The following GPR141 variants were observed in gnomAD, a reference collection of about 807,000 sequenced individuals.
The protein encoded by GPR141 is G protein-coupled receptor 141, also known as probable G protein-coupled receptor 141.
Under a neutral mutation model 6.8 loss-of-function variants are expected in GPR141, and 6 were observed. The ratio of observed to expected loss-of-function variants is 0.88; its 90% CI spans 0.48 to 1.74. GPR141 has a LOEUF of 1.74. Among genes scored for constraint, GPR141 ranks in the 40% most tolerant of loss-of-function variants. The probability of loss-of-function intolerance (pLI) is 0.01; values close to 1 mark genes in which losing one functional copy is unlikely to be tolerated. For synonymous variants in GPR141, 140 were observed against 142.3 expected (o/e 0.98, Z 0.11); for missense variants, 372 against 372.9 (o/e 1.00, Z 0.02).
chr7:37,695,219 G>A (rs1006015673), intron 2 of GPR141, among the ~76,000 whole-genome samples: 1 of 152,152 alleles, frequency 6.6e-6, no homozygotes, highest in Non-Finnish European at 1.5e-5. Context: ...CAGAATGGGG[G>A]TGGTTCTGTG....
intron 2 of GPR141, among the ~76,000 whole-genome samples, chr7:37,690,015 A>G (rs1386357105): frequency 6.6e-6 from 1 of 150,764 alleles, no homozygotes; most frequent in African/African-American, 2.4e-5. Flanking sequence ...TACTTTTTCG[A>G]TGTAGGCATT....
intron 2 of GPR141, among the ~76,000 whole-genome samples, chr7:37,700,918 A>G (rs1204392848): frequency 1.3e-5 from 2 of 152,148 alleles, no homozygotes; most frequent in Non-Finnish European, 2.9e-5. Context: ...TTCTCCTACT[A>G]CCAGCCTAGT....
Position 37,742,679 on chromosome 7 carries a change from G to A in GPR141, c.*1368G>A, listed in dbSNP as rs143824720. Among the ~76,000 whole-genome samples, 704 of 152,244 alleles carry A rather than the reference G, an allele frequency of 4.6e-3. 6 individuals are homozygous for A. The highest frequency in any genetic ancestry group is 7.5e-3 in the Non-Finnish European group (509 of 68,018). ...AGAAGGTTTTCTGAATATTTGAAGA[G>A]TGGATAAATAAATGTCCCCCAAAGC... On this transcript the variant is annotated 3_prime_UTR_variant, in exon 3 of 3. Coordinates refer to ENST00000334425, the MANE Select transcript of GPR141 (RefSeq NM_001381946.1).
chr7:37,743,829 A>T lies in GPR141; in HGVS notation c.*2518A>T, dbSNP rs1812685154. Among the ~76,000 whole-genome samples, 1 of 152,176 alleles carries T rather than the reference A, an allele frequency of 6.6e-6. No homozygotes were observed. Among genetic ancestry groups the T allele is most frequent in the African/African-American group, 2.4e-5 (1 of 41,450 alleles). On this transcript the variant is annotated 3_prime_UTR_variant, in exon 3 of 3. Transcript: ENST00000334425. Reference sequence around the variant, plus strand: ...TCAGTATTTATGGAATAAATAGAAAAATTTTAGTTTTCCTGTTCTTTGTCT... The same window carrying T: ...TCAGTATTTATGGAATAAATAGAAATATTTTAGTTTTCCTGTTCTTTGTCT...
intron 2 of GPR141, among the ~76,000 whole-genome samples, chr7:37,721,508 T>C (rs1811325318): frequency 1.3e-5 from 2 of 152,236 alleles, no homozygotes; most frequent in Non-Finnish European, 2.9e-5. Context: ...AGCTTTGATT[T>C]AAGAAAGGTC....
Position 37,741,341 on chromosome 7 carries a change from C to T in GPR141, c.*30C>T. ...AAACTACAGTATTCATATTTGCTTC[C>T]TTTATATTGGGAATAAAAATGGGTA... On this transcript the variant is annotated 3_prime_UTR_variant, in exon 3 of 3. Transcript: ENST00000334425. The T allele has an allele frequency of 6.7e-7, 1 of 1,483,922 alleles. No individual in the cohort carries two copies. Among genetic ancestry groups the T allele is most frequent in the Non-Finnish European group, 9.1e-7 (1 of 1,097,046 alleles). 91.9% of individuals were successfully genotyped at this position (1,483,922 alleles called of 1,614,324 possible).
intron 2 of GPR141, among the ~76,000 whole-genome samples, chr7:37,727,051 G>C (rs1377072003): frequency 6.6e-6 from 1 of 152,218 alleles, no homozygotes; most frequent in Non-Finnish European, 1.5e-5. Context: ...CTGGGGCACA[G>C]TTCAGCCTTG....
At chr7:37,703,712 T>C (rs1472818166) in intron 2 of GPR141, among the ~76,000 whole-genome samples, 1 of 152,156 alleles carries the variant, frequency 6.6e-6, no homozygotes, top group African/African-American at 2.4e-5. Flanking sequence ...TTCATAGGAT[T>C]GTTGTAAAGA....
chr7:37,731,806 T>A (rs1287738057), intron 2 of GPR141, among the ~76,000 whole-genome samples: 1 of 152,136 alleles, frequency 6.6e-6, no homozygotes, highest in Admixed American at 6.5e-5. Flanking sequence ...AATCGCTTTC[T>A]GTCCTTTCTT....
chr7:37,693,504 G>A (rs1052949735), intron 2 of GPR141, among the ~76,000 whole-genome samples: 3 of 152,002 alleles, frequency 2.0e-5, no homozygotes, highest in African/African-American at 4.8e-5. Flanking sequence ...AGTCACATAC[G>A]GCTGTGTTTC....
At position 37,726,189 on chromosome 7, in the gene GPR141, G is replaced by A. The variant is rs951406588; in HGVS notation, c.-14-14191G>A. 3.3e-5 allele frequency among the ~76,000 whole-genome samples: 5 copies of A among 152,280 alleles called. No homozygotes were observed. In the East Asian group the frequency reaches 7.7e-4, roughly 23 times the overall value. ...GAAGTGAGATCAAAGGACAGAGAGC[G>A]GGGAGGAGGGATCACATCCTGTAAG... On this transcript the variant is annotated intron_variant, in intron 2 of 2. Coordinates refer to ENST00000334425, the MANE Select transcript of GPR141 (RefSeq NM_001381946.1).
At chr7:37,708,047 T>C (rs533912669) in intron 2 of GPR141, among the ~76,000 whole-genome samples, 1 of 152,208 alleles carries the variant, frequency 6.6e-6, no homozygotes, top group East Asian at 1.9e-4. Context: ...GAAGAGAACA[T>C]TGGAGTGTAT....
At chr7:37,703,830 G>C (rs1002137005) in intron 2 of GPR141, among the ~76,000 whole-genome samples, 21 of 151,852 alleles carry the variant, frequency 1.4e-4, no homozygotes, top group Non-Finnish European at 3.1e-4. Context: ...CTATTATATG[G>C]TTCACCAATT....
At chr7:37,729,818 T>C (rs1811830283) in intron 2 of GPR141, 1 of 152,256 alleles carries the variant, frequency 6.6e-6, no homozygotes, top group Non-Finnish European at 1.5e-5. Flanking sequence ...CAAATAACTG[T>C]TGTTAATGTT....
chr7:37,694,226 C>T (rs1809914994), intron 2 of GPR141, among the ~76,000 whole-genome samples: 1 of 152,240 alleles, frequency 6.6e-6, no homozygotes, highest in Non-Finnish European at 1.5e-5. Flanking sequence ...CAGTGTGCAA[C>T]TTCAGTATTG....
intron 2 of GPR141, among the ~76,000 whole-genome samples, chr7:37,694,034 G>A (rs192378385): frequency 6.6e-6 from 1 of 152,274 alleles, no homozygotes. Flanking sequence ...GGTGCTGCAG[G>A]GTATGACCAC....
At chr7:37,704,457 G>T (rs777186427) in intron 2 of GPR141, among the ~76,000 whole-genome samples, 15 of 152,118 alleles carry the variant, frequency 9.9e-5, no homozygotes, top group Non-Finnish European at 2.1e-4. Flanking sequence ...GACCCAGTAG[G>T]GGAAATGCCA....
At chr7:37,705,882 C>T (rs2131771790) in intron 2 of GPR141, among the ~76,000 whole-genome samples, 1 of 152,240 alleles carries the variant, frequency 6.6e-6, no homozygotes, top group East Asian at 1.9e-4. Flanking sequence ...GAAACCACTC[C>T]AGGTATTTGA....
At chr7:37,703,543 A>G (rs1810388177) in intron 2 of GPR141, among the ~76,000 whole-genome samples, 3 of 152,196 alleles carry the variant, frequency 2.0e-5, no homozygotes, top group Admixed American at 1.3e-4. Context: ...TTTTTCTTAC[A>G]GGAACATAGC....
Sources: allele counts gnomAD v4.1 joint callset (sites outside exome capture counted in the v4.1 genomes callset), GRCh38; gene constraint gnomAD v4.1.1; transcripts MANE v1.5; gene names NCBI Gene and HGNC (gene_info 2026-07-23, HGNC 2026-07-21).